The following STARD13 variants were observed in gnomAD, a reference collection of about 807,000 sequenced individuals.
STARD13 encodes StAR related lipid transfer domain containing 13, also known as stAR-related lipid transfer protein 13.
STARD13 carries 62 observed loss-of-function variants against 106.4 expected under a neutral mutation model. The observed-to-expected ratio is 0.58, with a 90% confidence interval of 0.48 to 0.72. The LOEUF is 0.72. Ranked by LOEUF, STARD13 falls within the 30% of genes least tolerant of loss-of-function variation. The probability of loss-of-function intolerance (pLI) is 0.00; values close to 1 mark genes in which losing one functional copy is unlikely to be tolerated. For synonymous variants in STARD13, 565 were observed against 553.0 expected (o/e 1.02, Z -0.31); for missense variants, 1,387 against 1,424.0 (o/e 0.97, Z 0.42).
At chr13:33,119,065 G>A (rs1875844882) in intron 7 of STARD13, among the ~76,000 whole-genome samples, 1 of 151,964 alleles carries the variant, frequency 6.6e-6, no homozygotes, top group Non-Finnish European at 1.5e-5. Context: ...GGACAGAGTG[G>A]CCCTAATGAG....
intron 1 of STARD13, among the ~76,000 whole-genome samples, chr13:33,196,681 G>A (rs977318810): frequency 6.6e-6 from 1 of 152,180 alleles, no homozygotes; most frequent in African/African-American, 2.4e-5. Context: ...TAACAGAATG[G>A]AGAGGCAACT....
At chr13:33,506,581 G>A in the STARD13 span, among the ~76,000 whole-genome samples, 1 of 152,100 alleles carries the variant, frequency 6.6e-6, no homozygotes, top group Non-Finnish European at 1.5e-5. Flanking sequence ...TCTCAGAAGT[G>A]GAAGATCTGC....
intron 1 of STARD13, among the ~76,000 whole-genome samples, chr13:33,201,209 G>A (rs75851351): frequency 0.014 from 2,112 of 152,160 alleles, 34 homozygotes; most frequent in African/African-American, 0.048. Context: ...GAGCTTCAGC[G>A]GGTGGCATTA....
the STARD13 span, among the ~76,000 whole-genome samples, chr13:33,635,527 G>T: frequency 7.6e-3 from 1,152 of 152,190 alleles, 14 homozygotes; most frequent in African/African-American, 0.027. Flanking sequence ...GGGTGTGGTG[G>T]TGGGCGCCTG....
chr13:33,607,588 G>A, the STARD13 span, among the ~76,000 whole-genome samples: 59 of 152,154 alleles, frequency 3.9e-4, no homozygotes, highest in East Asian at 0.011. Context: ...GAGCCACCAC[G>A]CCTGGCCCAT....
intron 3 of STARD13, among the ~76,000 whole-genome samples, chr13:33,147,216 G>A (rs1645282305): frequency 6.6e-6 from 1 of 152,192 alleles, no homozygotes; most frequent in African/African-American, 2.4e-5. Context: ...GGGAGAATGA[G>A]ATGTCCATAG....
chr13:33,203,597 C>T (rs893364629), intron 1 of STARD13, among the ~76,000 whole-genome samples: 10 of 151,854 alleles, frequency 6.6e-5, no homozygotes, highest in Non-Finnish European at 1.2e-4. Context: ...CAATTTTAGC[C>T]CTATTTTTTA....
intron 1 of STARD13, among the ~76,000 whole-genome samples, chr13:33,211,532 G>A (rs1252867640): frequency 1.3e-5 from 2 of 152,128 alleles, no homozygotes; most frequent in Admixed American, 1.3e-4. Flanking sequence ...AAAATCCACA[G>A]ATTCTCAAGT....
the STARD13 span, among the ~76,000 whole-genome samples, chr13:33,487,993 A>T: frequency 6.6e-6 from 1 of 151,842 alleles, no homozygotes; most frequent in Non-Finnish European, 1.5e-5. Flanking sequence ...AAAGCATCTA[A>T]TCCTCTCCTT....
intron 1 of STARD13, 25 bp downstream of exon 1, chr13:33,285,445 C>A (rs1319968928): frequency 6.2e-7 from 1 of 1,603,318 alleles, no homozygotes; most frequent in Non-Finnish European, 8.5e-7. Flanking sequence ...GAATGAGCAA[C>A]AGCCTTCCAC....
the STARD13 span, among the ~76,000 whole-genome samples, chr13:33,524,859 G>C: frequency 6.6e-6 from 1 of 151,842 alleles, no homozygotes; most frequent in African/African-American, 2.4e-5. Flanking sequence ...TGTGCGGTGG[G>C]ACCACTTAAA....
the STARD13 span, among the ~76,000 whole-genome samples, chr13:33,368,798 G>T: frequency 6.6e-6 from 1 of 152,086 alleles, no homozygotes; most frequent in Non-Finnish European, 1.5e-5. Context: ...CGGAGGAGCC[G>T]GCCCACCATT....
chr13:33,469,853 G>C, the STARD13 span, among the ~76,000 whole-genome samples: 1 of 151,986 alleles, frequency 6.6e-6, no homozygotes, highest in Non-Finnish European at 1.5e-5. Context: ...AAGGGAAAAG[G>C]ATGTTCATGA....
the STARD13 span, among the ~76,000 whole-genome samples, chr13:33,390,363 G>A: frequency 6.6e-6 from 1 of 152,108 alleles, no homozygotes. Flanking sequence ...CATCAACCTG[G>A]TGTTTTAATA....
intron 1 of STARD13, among the ~76,000 whole-genome samples, chr13:33,255,868 G>T (rs1890337081): frequency 6.6e-6 from 1 of 152,130 alleles, no homozygotes; most frequent in African/African-American, 2.4e-5. Flanking sequence ...TGGCCCTTCT[G>T]CTCATGTTCC....
At chr13:33,242,486 C>A (rs1594155458) in intron 1 of STARD13, among the ~76,000 whole-genome samples, 1 of 152,162 alleles carries the variant, frequency 6.6e-6, no homozygotes, top group African/African-American at 2.4e-5. Context: ...GTGCTGTGTC[C>A]ACTAAGGGTT....
At chr13:33,580,726 A>G in the STARD13 span, among the ~76,000 whole-genome samples, 2 of 152,186 alleles carry the variant, frequency 1.3e-5, no homozygotes, top group African/African-American at 4.8e-5. Flanking sequence ...TCTAAAAAAT[A>G]AAGTCTATTC....
At chr13:33,218,465 C>T (rs1888166385) in intron 1 of STARD13, among the ~76,000 whole-genome samples, 1 of 152,198 alleles carries the variant, frequency 6.6e-6, no homozygotes, top group Non-Finnish European at 1.5e-5. Flanking sequence ...AACCCTATGT[C>T]TCATTTGCTG....
chr13:33,437,335 C>G, the STARD13 span, among the ~76,000 whole-genome samples: 1 of 152,146 alleles, frequency 6.6e-6, no homozygotes, highest in Non-Finnish European at 1.5e-5. Context: ...GTTGTGAGCC[C>G]TTAAAAGGGA....
Sources: allele counts gnomAD v4.1 joint callset (sites outside exome capture counted in the v4.1 genomes callset), GRCh38; gene constraint gnomAD v4.1.1; transcripts MANE v1.5; gene names NCBI Gene and HGNC (gene_info 2026-07-23, HGNC 2026-07-21).